Variants in DLG2 observed in about 807,000 individuals in gnomAD.
DLG2 encodes the protein disks large homolog 2.
A neutral mutation model predicts 132.5 loss-of-function variants in DLG2; 45 were observed. The ratio of observed to expected loss-of-function variants is 0.34; its 90% confidence interval spans 0.27 to 0.44. DLG2 has a LOEUF of 0.44. Among genes scored for constraint, DLG2 ranks in the 20% least tolerant of loss-of-function variants. The pLI, the probability that DLG2 is intolerant of heterozygous loss-of-function variation, is 1.00. For synonymous variants in DLG2, 424 were observed against 419.6 expected (o/e 1.01, Z -0.13); for missense variants, 1,045 against 1,196.9 (o/e 0.87, Z 1.87).
At chr11:84,033,070 T>C (rs2095752551) in intron 11 of DLG2, among the ~76,000 whole-genome samples, 1 of 152,202 alleles carries the variant, frequency 6.6e-6, no homozygotes, top group South Asian at 2.1e-4. Flanking sequence ...AAAACATTAA[T>C]GTTTTCATGT....
intron 19 of DLG2, among the ~76,000 whole-genome samples, chr11:83,618,176 C>T (rs552403242): frequency 2.0e-5 from 3 of 152,078 alleles, no homozygotes; most frequent in South Asian, 2.1e-4. Flanking sequence ...AATGTTAAAG[C>T]GTTCTTTCAT....
chr11:85,515,733 C>T (rs1156370155), intron 3 of DLG2, among the ~76,000 whole-genome samples: 1 of 151,902 alleles, frequency 6.6e-6, no homozygotes, highest in Non-Finnish European at 1.5e-5. Context: ...ACATAGCTAT[C>T]CTGTTTGCTA....
intron 19 of DLG2, among the ~76,000 whole-genome samples, chr11:83,624,499 T>G (rs1566110608): frequency 6.6e-6 from 1 of 152,216 alleles, no homozygotes; most frequent in Non-Finnish European, 1.5e-5. Flanking sequence ...GTAAGCATTA[T>G]GCTAATGGGT....
chr11:85,251,380 C>T (rs2076387736), intron 4 of DLG2, among the ~76,000 whole-genome samples: 2 of 152,034 alleles, frequency 1.3e-5, no homozygotes, highest in Admixed American at 6.6e-5. Context: ...ATATATTTTT[C>T]TTTTTATGGG....
intron 6 of DLG2, among the ~76,000 whole-genome samples, chr11:85,011,022 T>A (rs1452885924): frequency 6.6e-6 from 1 of 152,198 alleles, no homozygotes; most frequent in Non-Finnish European, 1.5e-5. Context: ...TATAAATCTG[T>A]CCCACCCATT....
In DLG2 at chr11:84,961,130, G is replaced by A. The variant is rs546943438; in HGVS notation, c.357+150531C>T. 2.0e-5 allele frequency among the ~76,000 whole-genome samples: 3 copies of A among 151,644 alleles called. No individual in the cohort carries two copies. In the East Asian group the frequency reaches 6.0e-4, roughly 30 times the overall value. ...TGCTTCCTTAATTGACTGGAGATGA[G>A]TAAAGCCTTTATATAGGACTTCAGT... is the stretch of plus-strand genomic sequence containing the variant. On this transcript the variant is annotated intron_variant, in intron 6 of 27. Coordinates refer to ENST00000376104, the MANE Select transcript of DLG2 (RefSeq NM_001142699.3).
At chr11:84,660,573 G>T (rs2099693488) in intron 6 of DLG2, among the ~76,000 whole-genome samples, 1 of 152,092 alleles carries the variant, frequency 6.6e-6, no homozygotes, top group African/African-American at 2.4e-5. Context: ...CTGAGGCAGG[G>T]CAGTAGAGAG....
chr11:84,413,277 G>C (rs971829075), intron 7 of DLG2, among the ~76,000 whole-genome samples: 1 of 152,124 alleles, frequency 6.6e-6, no homozygotes, highest in Non-Finnish European at 1.5e-5. Flanking sequence ...TGAATCTGCT[G>C]ATATGAAAGA....
chr11:84,509,339 C>A (rs1339469101), intron 7 of DLG2, among the ~76,000 whole-genome samples: 1 of 152,198 alleles, frequency 6.6e-6, no homozygotes, highest in Non-Finnish European at 1.5e-5. Context: ...AATCCTCAAG[C>A]AAATTTCTCC....
chr11:84,319,518 A>G (rs989052270), intron 7 of DLG2, among the ~76,000 whole-genome samples: 1 of 152,190 alleles, frequency 6.6e-6, no homozygotes, highest in African/African-American at 2.4e-5. Context: ...TTGCCTCTCA[A>G]GTATAAGAAT....
At chr11:85,146,987 T>A (rs1008959635) in intron 5 of DLG2, among the ~76,000 whole-genome samples, 3 of 152,196 alleles carry the variant, frequency 2.0e-5, no homozygotes, top group African/African-American at 7.2e-5. Context: ...TATGTTGTAT[T>A]CTGCTGTGAG....
chr11:85,583,397 G>A (rs1305618185), intron 3 of DLG2, among the ~76,000 whole-genome samples: 1 of 150,328 alleles, frequency 6.7e-6, no homozygotes, highest in Non-Finnish European at 1.5e-5. Context: ...ATGTTACCCA[G>A]GTTGGTCTTA....
chr11:83,550,933 G>T (rs1565760251), intron 19 of DLG2, among the ~76,000 whole-genome samples: 1 of 152,158 alleles, frequency 6.6e-6, no homozygotes, highest in Non-Finnish European at 1.5e-5. Flanking sequence ...GGAAAAAGAA[G>T]AAATAACCTG....
chr11:85,189,310 T>A (rs1310678783), intron 4 of DLG2, among the ~76,000 whole-genome samples: 1 of 152,108 alleles, frequency 6.6e-6, no homozygotes. Context: ...ATAAAAAAAA[T>A]TCATTCCTAG....
chr11:84,988,348 C>T (rs1566585940), intron 6 of DLG2, among the ~76,000 whole-genome samples: 1 of 152,130 alleles, frequency 6.6e-6, no homozygotes, highest in Non-Finnish European at 1.5e-5. Context: ...TTTGATCCAG[C>T]GATCCCACTA....
At chr11:85,610,078 T>C (rs1258615174) in intron 2 of DLG2, among the ~76,000 whole-genome samples, 3 of 152,158 alleles carry the variant, frequency 2.0e-5, no homozygotes, top group African/African-American at 4.8e-5. Context: ...AGTCTGGGCA[T>C]TGGAAGGATA....
At chr11:84,515,445 T>C (rs563005770) in intron 7 of DLG2, among the ~76,000 whole-genome samples, 1 of 151,798 alleles carries the variant, frequency 6.6e-6, no homozygotes, top group South Asian at 2.1e-4. Context: ...ATTACACATA[T>C]ATCAGATAAA....
At chr11:85,455,408 T>A (rs1366430639) in intron 3 of DLG2, among the ~76,000 whole-genome samples, 1 of 152,220 alleles carries the variant, frequency 6.6e-6, no homozygotes, top group Non-Finnish European at 1.5e-5. Flanking sequence ...GTTTATCAGA[T>A]CAAGAAGCTT....
chr11:83,982,453 T>C lies in DLG2; in HGVS notation c.920-1811A>G, dbSNP rs1230895783. On this transcript the variant is annotated intron_variant, in intron 11 of 27. Transcript: ENST00000376104. The stretch of plus-strand genomic sequence containing the variant: ...CTAGGCTAATGTGTGTGTTTGTGTC[T>C]TCATTTTTAACAAAAAGTTTAACGT... Among the ~76,000 whole-genome samples, 15 of 149,040 alleles carry C rather than the reference T, an allele frequency of 1.0e-4. No homozygotes were observed. In the Admixed American group the frequency reaches 1.0e-3, roughly 10 times the overall value.
Sources: allele counts gnomAD v4.1 joint callset (sites outside exome capture counted in the v4.1 genomes callset), GRCh38; gene constraint gnomAD v4.1.1; transcripts MANE v1.5; gene names NCBI Gene and HGNC (gene_info 2026-07-23, HGNC 2026-07-21).